ARNT2: variants seen among roughly 807,000 people sequenced by gnomAD.
ARNT2 encodes ARNT protein 2.
Under a neutral mutation model 91.7 loss-of-function variants are expected in ARNT2, and 36 were observed. That is an observed-to-expected ratio of 0.39 (90% confidence interval 0.30 to 0.52). The LOEUF (loss-of-function observed/expected upper bound fraction) is 0.52, where lower values mean the gene tolerates loss of function less well. Among genes scored for constraint, ARNT2 ranks in the 20% least tolerant of loss-of-function variants. The pLI, the probability that ARNT2 is intolerant of heterozygous loss-of-function variation, is 0.72. For synonymous variants in ARNT2, 365 were observed against 347.1 expected (o/e 1.05, Z -0.57); for missense variants, 775 against 939.3 (o/e 0.83, Z 2.29).
chr15:80,493,610 G>C (rs1897085827), intron 5 of ARNT2, among the ~76,000 whole-genome samples: 1 of 152,150 alleles, frequency 6.6e-6, no homozygotes, highest in Non-Finnish European at 1.5e-5. Flanking sequence ...TTATACCCTA[G>C]GTCACTTGTC....
intron 1 of ARNT2, among the ~76,000 whole-genome samples, chr15:80,406,018 G>A (rs1242219314): frequency 6.6e-6 from 1 of 152,166 alleles, no homozygotes; most frequent in Non-Finnish European, 1.5e-5. Flanking sequence ...GAGGGAACAA[G>A]ACTTGAGACA....
intron 8 of ARNT2, among the ~76,000 whole-genome samples, chr15:80,521,131 G>A (rs1333362139): frequency 1.3e-5 from 2 of 152,124 alleles, no homozygotes; most frequent in Admixed American, 1.3e-4. Context: ...ATTTTACTGA[G>A]ATAGACAATT....
In ARNT2 at chr15:80,409,579, T is replaced by C. The variant is rs530155495; in HGVS notation, c.31+5033T>C. Among the ~76,000 whole-genome samples the C allele has an allele frequency of 3.1e-4, 47 of 151,840 alleles. 2 individuals are homozygous for C. Among genetic ancestry groups the C allele is most frequent in the African/African-American group, 1.0e-3 (43 of 41,108 alleles). On this transcript the variant is annotated intron_variant, in intron 1 of 18. Coordinates refer to ENST00000303329, the MANE Select transcript of ARNT2 (RefSeq NM_014862.4). ...GTAACTACTATGTGCCGGGGACTGA[T>C]CTTGGTTCTGGGATCACTGTGGTGA...
At chr15:80,455,332 T>C (rs146550667) in intron 2 of ARNT2, among the ~76,000 whole-genome samples, 1 of 152,196 alleles carries the variant, frequency 6.6e-6, no homozygotes, top group Admixed American at 6.5e-5. Context: ...TTCCTAGAGC[T>C]GATGGCTGTA....
chr15:80,448,709 C>T (rs1595967351), intron 1 of ARNT2, among the ~76,000 whole-genome samples: 2 of 152,272 alleles, frequency 1.3e-5, no homozygotes, highest in East Asian at 3.9e-4. Context: ...TTGGGCCTGG[C>T]GCGGTGGCTA....
At chr15:80,441,708 G>A (rs1020099715) in intron 1 of ARNT2, among the ~76,000 whole-genome samples, 1 of 152,036 alleles carries the variant, frequency 6.6e-6, no homozygotes, top group East Asian at 1.9e-4. Context: ...CAAGTTCCAC[G>A]TTTTTTCCAG....
rs1192066998 is a variant in ARNT2 at position 80,593,656 on chromosome 15, A to G, written c.2112A>G (p.Glu704=). Residue 704 remains glutamate (E), a synonymous_variant, in exon 19 of 19, where the codon GAA becomes GAG. Transcript: ENST00000303329. ...PTQGTGNYNI[E]DFADLGMFPP... ...AGGGGACTGGCAACTATAACATCGA[A>G]GACTTTGCCGACCTGGGCATGTTTC... 6.2e-7 allele frequency: 1 copy of G among 1,607,778 alleles called. No individual in the cohort carries two copies. Among genetic ancestry groups the G allele is most frequent in the South Asian group, 1.1e-5 (1 of 89,712 alleles).
chr15:80,588,878 G>A (rs1361673492), intron 17 of ARNT2, among the ~76,000 whole-genome samples: 1 of 152,136 alleles, frequency 6.6e-6, no homozygotes, highest in African/African-American at 2.4e-5. Flanking sequence ...TTGCCTGTTT[G>A]CTCCCTTTCC....
chr15:80,498,856 G>A (rs3936145), intron 5 of ARNT2, among the ~76,000 whole-genome samples: 54,589 of 152,058 alleles, frequency 0.36, 10,338 homozygotes, highest in African/African-American at 0.42. Context: ...GCTTCTGTTC[G>A]GTGGGTGCCG....
intron 1 of ARNT2, among the ~76,000 whole-genome samples, chr15:80,409,814 A>G (rs533833080): frequency 7.2e-5 from 11 of 152,332 alleles, no homozygotes; most frequent in African/African-American, 2.6e-4. Context: ...CCCTTGAGTC[A>G]AGCTCCAAGG....
intron 12 of ARNT2, among the ~76,000 whole-genome samples, chr15:80,566,272 A>T (rs1368096147): frequency 6.6e-6 from 1 of 151,140 alleles, no homozygotes; most frequent in Non-Finnish European, 1.5e-5. Flanking sequence ...CTCTGGGCAG[A>T]TCACCTTGCC....
rs1416416931 is a variant in ARNT2 at position 80,597,081 on chromosome 15, A to G, written c.*3383A>G. ...GGATTCTGGTTGTTAAGGAACTTAC[A>G]CTGGGGAGCTTTACTCTTCCGTGTC... On this transcript the variant is annotated 3_prime_UTR_variant, in exon 19 of 19. Transcript: ENST00000303329. The G allele has an allele frequency of 1.8e-5, 9 of 509,040 alleles. No individual in the cohort carries two copies. Among genetic ancestry groups the G allele is most frequent in the Non-Finnish European group, 3.5e-5 (9 of 254,298 alleles). The allele number at this position is 509,040 out of a possible 1,614,324, so 31.5% of individuals were successfully genotyped here.
chr15:80,489,206 A>G (rs1897019194), intron 5 of ARNT2, among the ~76,000 whole-genome samples: 1 of 152,256 alleles, frequency 6.6e-6, no homozygotes, highest in Non-Finnish European at 1.5e-5. Context: ...TAGCTTCACC[A>G]AAGACAGACA....
At chr15:80,417,517 C>T (rs1185150351) in intron 1 of ARNT2, among the ~76,000 whole-genome samples, 2 of 151,652 alleles carry the variant, frequency 1.3e-5, no homozygotes, top group Non-Finnish European at 2.9e-5. Flanking sequence ...CATCCCCCCT[C>T]TGCTTCTTCT....
At chr15:80,522,651 A>G (rs1270096281) in intron 8 of ARNT2, among the ~76,000 whole-genome samples, 3 of 152,076 alleles carry the variant, frequency 2.0e-5, no homozygotes, top group African/African-American at 7.3e-5. Context: ...CTAAACATAG[A>G]AAAGGTGTAA....
At chr15:80,570,962 G>A (rs1463753898) in intron 12 of ARNT2, among the ~76,000 whole-genome samples, 3 of 152,140 alleles carry the variant, frequency 2.0e-5, no homozygotes, top group Non-Finnish European at 4.4e-5. Flanking sequence ...CCTTATGGTG[G>A]GGACACACAC....
intron 1 of ARNT2, among the ~76,000 whole-genome samples, chr15:80,439,923 G>A (rs774937353): frequency 2.6e-5 from 4 of 152,126 alleles, no homozygotes; most frequent in Non-Finnish European, 4.4e-5. Flanking sequence ...GTTCTTTCTC[G>A]TATTTTTGAA....
At chr15:80,505,023 A>G (rs1416054187) in intron 5 of ARNT2, among the ~76,000 whole-genome samples, 1 of 152,210 alleles carries the variant, frequency 6.6e-6, no homozygotes, top group Non-Finnish European at 1.5e-5. Flanking sequence ...CTAAGAGTGG[A>G]GAACATGAAA....
At chr15:80,420,444 A>G (rs1489274123) in intron 1 of ARNT2, among the ~76,000 whole-genome samples, 1 of 152,152 alleles carries the variant, frequency 6.6e-6, no homozygotes, top group Non-Finnish European at 1.5e-5. Flanking sequence ...TGTTCTGAGC[A>G]TGTTTAAGGT....
Sources: gnomAD v4.1 joint callset for allele counts (sites outside exome capture counted in the v4.1 genomes callset) on GRCh38, gnomAD v4.1.1 for gene constraint, MANE v1.5 for transcripts, NCBI Gene and HGNC (gene_info 2026-07-23, HGNC 2026-07-21) for gene names.